Variants in HERC2 observed in about 807,000 individuals in gnomAD.
The protein encoded by HERC2 is HECT and RLD domain containing E3 ubiquitin protein ligase 2.
A neutral mutation model predicts 537.7 loss-of-function variants in HERC2; 102 were observed. That is an observed-to-expected ratio of 0.19 (90% CI 0.16 to 0.22). HERC2 has a LOEUF of 0.22. Ranked by LOEUF, HERC2 falls within the 10% of genes least tolerant of loss-of-function variation. The pLI is 1.00. For missense variants in HERC2, 4,236 were observed against 6,198.2 expected, an observed-to-expected ratio of 0.68 and a Z score of 10.63; for synonymous variants, 2,224 against 2,466.2, an observed-to-expected ratio of 0.90 and a Z score of 2.91.
intron 15 of HERC2, among the ~76,000 whole-genome samples, chr15:28,262,114 C>G (rs1177184603): frequency 6.6e-6 from 1 of 152,200 alleles, no homozygotes; most frequent in Non-Finnish European, 1.5e-5. Context: ...CTCACACTGC[C>G]TTTTCCCTTC....
At chr15:28,200,171 C>G (rs981057638) in intron 48 of HERC2, among the ~76,000 whole-genome samples, 3 of 152,050 alleles carry the variant, frequency 2.0e-5, no homozygotes, top group Non-Finnish European at 4.4e-5. Context: ...CCAAGGCAGG[C>G]GGATCACCTG....
At chr15:28,127,134 G>A (rs2142126134) in intron 83 of HERC2, among the ~76,000 whole-genome samples, 1 of 152,320 alleles carries the variant, frequency 6.6e-6, no homozygotes, top group South Asian at 2.1e-4. Flanking sequence ...CGTGGTCAAG[G>A]GCAGTGTACT....
intron 35 of HERC2, among the ~76,000 whole-genome samples, chr15:28,227,474 A>G (rs1234009737): frequency 6.6e-6 from 1 of 151,854 alleles, no homozygotes; most frequent in African/African-American, 2.4e-5. Flanking sequence ...AAAAGAAAAA[A>G]AAAAAAAACA....
At chr15:28,224,236 A>T (rs1316425159) in intron 35 of HERC2, among the ~76,000 whole-genome samples, 1 of 150,474 alleles carries the variant, frequency 6.6e-6, no homozygotes, top group Non-Finnish European at 1.5e-5. Context: ...CCAAGACAGG[A>T]TTTCACTTTG....
In HERC2 at chr15:28,262,980, T is replaced by C; in HGVS notation, c.2060A>G (p.Gln687Arg). The C allele has an allele frequency of 1.9e-6, 3 of 1,614,246 alleles. No homozygotes were observed. The highest frequency in any genetic ancestry group is 2.5e-6 in the Non-Finnish European group (3 of 1,180,042). ...QVYSWGKGDN[Q>R]RLGHGTEEHV... The stretch of plus-strand genomic sequence containing the variant: ...TTCCTCTGTTCCATGTCCAAGTCTC[T>C]GGTTGTCACCTTTTCCCCATGAATA... Residue 687 changes from glutamine to arginine, a missense_variant, in exon 15 of 93, where the codon CAG (glutamine) becomes CGG (arginine). Gln to Arg is a conservative substitution (Grantham distance 43). This residue lies in a region of HERC2 where 754 missense variants were observed against 1,085.0 expected (regional missense o/e 0.69). Transcript: ENST00000261609.
At chr15:28,306,444 T>C (rs527942950) in intron 2 of HERC2, among the ~76,000 whole-genome samples, 3 of 152,346 alleles carry the variant, frequency 2.0e-5, no homozygotes, top group South Asian at 4.1e-4. Flanking sequence ...ATGAATGATG[T>C]TTTTAATGTG....
intron 2 of HERC2, among the ~76,000 whole-genome samples, chr15:28,300,506 T>C (rs2076591247): frequency 6.6e-6 from 1 of 151,340 alleles, no homozygotes; most frequent in Non-Finnish European, 1.5e-5. Context: ...ATGTTTATGA[T>C]AAAGTATTAA....
At chr15:28,222,828 G>T (rs1230798861) in intron 35 of HERC2, among the ~76,000 whole-genome samples, 1 of 152,182 alleles carries the variant, frequency 6.6e-6, no homozygotes, top group Non-Finnish European at 1.5e-5. Flanking sequence ...GTGCCCGTGT[G>T]ATCAGCCCTA....
At chr15:28,232,016 C>G (rs1378008300) in intron 30 of HERC2, among the ~76,000 whole-genome samples, 1 of 152,198 alleles carries the variant, frequency 6.6e-6, no homozygotes, top group East Asian at 1.9e-4. Flanking sequence ...TTCCTGCATG[C>G]CTGGGTTAAA....
In HERC2 at chr15:28,113,514, T is replaced by C. The variant is rs1285475849; in HGVS notation, c.14019+59A>G. On this transcript the variant is annotated intron_variant, in intron 91 of 92. Transcript: ENST00000261609. The surrounding 1 kb of genome is among the most constrained non-coding windows in gnomAD (Gnocchi z 7.0). Reference sequence around the variant, plus strand: ...TTCTGACTCTAACTGCTGTCACTGATTTGTGGGTCAGCAGGCAAAAGGCAG... The same window carrying C: ...TTCTGACTCTAACTGCTGTCACTGACTTGTGGGTCAGCAGGCAAAAGGCAG... 1 of 1,423,076 alleles carries C rather than the reference T, an allele frequency of 7.0e-7. No homozygotes were observed. The highest frequency in any genetic ancestry group is 1.4e-5 in the African/African-American group (1 of 71,110). 88.2% of individuals were successfully genotyped at this position (1,423,076 alleles called of 1,614,324 possible). A position where few individuals can be genotyped will look rare whatever the true frequency, so the allele number is the denominator to read the frequency against.
At chr15:28,126,267 T>C (rs1889472079) in intron 83 of HERC2, among the ~76,000 whole-genome samples, 2 of 152,220 alleles carry the variant, frequency 1.3e-5, no homozygotes, top group African/African-American at 4.8e-5. Context: ...ACAAGCTATC[T>C]GTGAAAACGC....
At chr15:28,278,580 C>G (rs1352749936) in intron 5 of HERC2, among the ~76,000 whole-genome samples, 2 of 152,048 alleles carry the variant, frequency 1.3e-5, no homozygotes, top group Non-Finnish European at 2.9e-5. Context: ...AGAGAGCCAA[C>G]TGTAATGTGA....
intron 30 of HERC2, among the ~76,000 whole-genome samples, chr15:28,232,447 G>T (rs1202980959): frequency 3.3e-5 from 5 of 151,976 alleles, no homozygotes; most frequent in Non-Finnish European, 7.4e-5. Flanking sequence ...TACTTGGAAG[G>T]CTGAGGCAGG....
At chr15:28,313,564 AG>A (rs1163804532) in intron 2 of HERC2, among the ~76,000 whole-genome samples, 2 of 152,258 alleles carry the variant, frequency 1.3e-5, no homozygotes, top group African/African-American at 2.4e-5. Flanking sequence ...ATTAATGTAT[AG>A]GTTAGAAAAT....
chr15:28,301,484 A>C (rs1433430692), intron 2 of HERC2, among the ~76,000 whole-genome samples: 2 of 151,494 alleles, frequency 1.3e-5, no homozygotes, highest in Non-Finnish European at 2.9e-5. Context: ...TAATTATAAT[A>C]ACTGTGAGCA....
chr15:28,113,424 C>T lies in HERC2; in HGVS notation c.14020-141G>A. 9.2e-7 allele frequency: 1 copy of T among 1,092,156 alleles called. No individual in the cohort carries two copies. The highest frequency in any genetic ancestry group is 2.0e-5 in the Admixed American group (1 of 49,682). 67.7% of individuals were successfully genotyped at this position (1,092,156 alleles called of 1,614,324 possible). On this transcript the variant is annotated intron_variant, in intron 91 of 92. Transcript: ENST00000261609. This position sits in a 1 kb window ranked among gnomAD's most constrained non-coding sequence, Gnocchi z 7.0. Reference sequence around the variant, plus strand: ...GGCTCTGGGTGGGCCCACACACAGCCTCCTGCAGGCGGGTGGAGGGACGCG... The same window carrying T: ...GGCTCTGGGTGGGCCCACACACAGCTTCCTGCAGGCGGGTGGAGGGACGCG...
intron 4 of HERC2, among the ~76,000 whole-genome samples, chr15:28,290,174 C>T (rs1010195343): frequency 2.6e-5 from 4 of 152,188 alleles, no homozygotes; most frequent in Non-Finnish European, 5.9e-5. Flanking sequence ...AGTAAGCCAA[C>T]CTTGTGTGTT....
At position 28,246,793 on chromosome 15, in the gene HERC2, T is replaced by C; in HGVS notation, c.3340A>G (p.Ser1114Gly). 1 of 1,608,654 alleles carries C rather than the reference T, an allele frequency of 6.2e-7. No individual in the cohort carries two copies. Among genetic ancestry groups the C allele is most frequent in the Non-Finnish European group, 8.5e-7 (1 of 1,177,624 alleles). The change falls in exon 22 of 93, where the codon AGC becomes GGC. Residue 1114 changes from serine to glycine, a missense_variant. By Grantham distance (56) the Ser-to-Gly change is moderately conservative (BLOSUM62 0). Transcript: ENST00000261609. ...LPVAASIAST[S>G]WRHFAEVAYI... is the part of the protein sequence containing the mutation. ...GCCACCTCCGCGAAGTGCCGCCAGC[T>C]GGTAGAAGCAATGCTGGCGGCCACA...
At position 28,301,588 on chromosome 15, in the gene HERC2, G is replaced by A. The variant is rs1263868312; in HGVS notation, c.73-2072C>T. ...GGAGCATTTCAGACACTGGGGGAAG[G>A]CATCCATTCTGAAAACTGCGTATGC... On this transcript the variant is annotated intron_variant, in intron 2 of 92. Transcript: ENST00000261609. Among the ~76,000 whole-genome samples, 9 of 147,694 alleles carry A rather than the reference G, an allele frequency of 6.1e-5. No homozygotes were observed. In the East Asian group the frequency reaches 1.8e-3, roughly 29 times the overall value.
Sources: gnomAD v4.1 joint callset for allele counts (sites outside exome capture counted in the v4.1 genomes callset) on GRCh38, gnomAD v4.1.1 for gene constraint, gnomAD v4.1.1 regional missense constraint, Gnocchi (gnomAD v3.1) non-coding constraint, MANE v1.5 for transcripts, NCBI Gene and HGNC (gene_info 2026-07-23, HGNC 2026-07-21) for gene names.